ZNF407: variants seen among roughly 807,000 people sequenced by gnomAD.
The protein encoded by ZNF407 is zinc finger protein 407.
In ZNF407, 17 loss-of-function variants were observed where a neutral mutation model predicts 131.2. The observed-to-expected ratio is 0.13, with a 90% CI of 0.09 to 0.19. ZNF407 has a LOEUF of 0.19. ZNF407 is among the 10% of genes least tolerant of loss of function. The pLI is 1.00. For missense variants in ZNF407, 2,681 were observed against 2,830.6 expected (o/e 0.95, Z 1.20); for synonymous variants, 1,156 against 1,062.0 (o/e 1.09, Z -1.72).
chr18:74,656,545 A>ATAC (rs1187787302), intron 3 of ZNF407, among the ~76,000 whole-genome samples: 1 of 152,172 alleles, frequency 6.6e-6, no homozygotes, highest in African/African-American at 2.4e-5. Flanking sequence ...GAACCTGGAC[A>ATAC]TACTGATTGT....
chr18:74,902,920 C>T (rs998862823), intron 7 of ZNF407, among the ~76,000 whole-genome samples: 1 of 152,176 alleles, frequency 6.6e-6, no homozygotes. Context: ...TCCCCCTCTA[C>T]CTCTCCATGG....
At chr18:74,627,778 TTCTCTC>T (rs35067719) in intron 1 of ZNF407, among the ~76,000 whole-genome samples, 2 of 132,668 alleles carry the variant, frequency 1.5e-5, no homozygotes, top group African/African-American at 3.3e-5. Context: ...TTTTCTCTCT[TTCTCTC>T]TCTCTCTCTC....
At chr18:74,887,905 A>G (rs1408810619) in intron 6 of ZNF407, among the ~76,000 whole-genome samples, 1 of 152,188 alleles carries the variant, frequency 6.6e-6, no homozygotes, top group African/African-American at 2.4e-5. Flanking sequence ...TAAGAGAGAA[A>G]ATACCACCAA....
intron 8 of ZNF407, among the ~76,000 whole-genome samples, chr18:75,053,975 G>A (rs1252816175): frequency 6.6e-6 from 1 of 152,314 alleles, no homozygotes; most frequent in East Asian, 1.9e-4. Flanking sequence ...CCTTTCTCCT[G>A]CTTTCATTTC....
At chr18:75,041,438 C>T (rs1449977560) in intron 8 of ZNF407, among the ~76,000 whole-genome samples, 1 of 152,084 alleles carries the variant, frequency 6.6e-6, no homozygotes, top group Non-Finnish European at 1.5e-5. Flanking sequence ...TCTTACCTCT[C>T]ACACACACAC....
intron 2 of ZNF407, among the ~76,000 whole-genome samples, chr18:74,639,906 A>G (rs1307551098): frequency 6.6e-6 from 1 of 152,116 alleles, no homozygotes; most frequent in Non-Finnish European, 1.5e-5. Flanking sequence ...CACTGCACAA[A>G]GGTTCATTGA....
At chr18:74,740,022 A>T (rs1968511463) in intron 3 of ZNF407, among the ~76,000 whole-genome samples, 1 of 152,198 alleles carries the variant, frequency 6.6e-6, no homozygotes, top group Non-Finnish European at 1.5e-5. Context: ...TGGCTTCTGC[A>T]TCAAATGACC....
chr18:74,688,806 A>G (rs191196660), intron 3 of ZNF407, among the ~76,000 whole-genome samples: 1 of 152,216 alleles, frequency 6.6e-6, no homozygotes, highest in East Asian at 1.9e-4. Context: ...AACAATATCA[A>G]ATCTTTCAAT....
At chr18:74,695,244 A>T (rs1967323147) in intron 3 of ZNF407, among the ~76,000 whole-genome samples, 1 of 152,186 alleles carries the variant, frequency 6.6e-6, no homozygotes, top group South Asian at 2.1e-4. Context: ...ATGTTGCTGA[A>T]ATTAGCTGTT....
At chr18:74,954,742 T>A (rs951716786) in intron 8 of ZNF407, among the ~76,000 whole-genome samples, 3 of 152,218 alleles carry the variant, frequency 2.0e-5, no homozygotes, top group African/African-American at 7.2e-5. Flanking sequence ...GGGGTATTCC[T>A]AAACTATTGT....
intron 4 of ZNF407, among the ~76,000 whole-genome samples, chr18:74,815,340 C>G (rs1006849746): frequency 6.6e-6 from 1 of 152,108 alleles, no homozygotes; most frequent in African/African-American, 2.4e-5. Context: ...CCAACAGTGT[C>G]TTATGAAAAT....
At chr18:74,768,389 A>G (rs1469125332) in intron 3 of ZNF407, among the ~76,000 whole-genome samples, 1 of 152,238 alleles carries the variant, frequency 6.6e-6, no homozygotes, top group African/African-American at 2.4e-5. Flanking sequence ...CAATTTACAT[A>G]AAATATCAGG....
intron 3 of ZNF407, among the ~76,000 whole-genome samples, chr18:74,679,905 C>T (rs1314526045): frequency 2.6e-5 from 4 of 152,224 alleles, no homozygotes; most frequent in Non-Finnish European, 4.4e-5. Context: ...ATGCTTTCAT[C>T]TCCCTTGGGA....
chr18:74,688,217 C>T (rs1166605361), intron 3 of ZNF407, among the ~76,000 whole-genome samples: 1 of 152,120 alleles, frequency 6.6e-6, no homozygotes, highest in Non-Finnish European at 1.5e-5. Context: ...GAACAGATTC[C>T]CTAGCAGCTT....
chr18:75,013,706 G>A (rs752933834), intron 8 of ZNF407, among the ~76,000 whole-genome samples: 53 of 152,032 alleles, frequency 3.5e-4, no homozygotes, highest in Admixed American at 3.2e-3. Context: ...GCTTGTGCCC[G>A]TGTTCTCTGC....
At chr18:74,695,533 T>C (rs1967332372) in intron 3 of ZNF407, among the ~76,000 whole-genome samples, 1 of 151,538 alleles carries the variant, frequency 6.6e-6, no homozygotes, top group South Asian at 2.1e-4. Context: ...AGCCTTTTCC[T>C]GATTTAAAGA....
intron 4 of ZNF407, among the ~76,000 whole-genome samples, chr18:74,874,935 C>T (rs1599213401): frequency 6.6e-6 from 1 of 152,094 alleles, no homozygotes; most frequent in Non-Finnish European, 1.5e-5. Flanking sequence ...TCCCTCTTCT[C>T]GCAGGGTTCA....
chr18:74,623,078 CTG>C (rs202189517), intron 1 of ZNF407, among the ~76,000 whole-genome samples: 2,141 of 148,784 alleles, frequency 0.014, 17 homozygotes, highest in Non-Finnish European at 0.024. Context: ...ATGTGTGTAT[CTG>C]TATCAGTGTG....
In ZNF407 at chr18:74,635,291, T is replaced by A. The variant is rs1180791504; in HGVS notation, c.4272T>A (p.Asp1424Glu). Residue 1424 changes from aspartate (D) to glutamate (E), a missense_variant, in exon 2 of 9, where the codon GAT becomes GAA. Physicochemically the swap from Asp to Glu is conservative, Grantham distance 45. This residue lies in a region of ZNF407 where 1,789 missense variants were observed against 1,748.7 expected (regional missense o/e 1.02). Coordinates refer to ENST00000299687, the MANE Select transcript of ZNF407 (RefSeq NM_017757.3). This position sits in a 1 kb window ranked among gnomAD's most constrained non-coding sequence, Gnocchi z 4.7. ...GTGATGATTGTGGCTTCTTAGCAGA[T>A]GGACTGAGTGGACTGAATGTTCACA... ...IRCDDCGFLADGLSGLNVHIA... is the reference protein window; with the variant it reads ...IRCDDCGFLAEGLSGLNVHIA... The A allele has an allele frequency of 6.2e-7, 1 of 1,613,936 alleles. No homozygotes were observed. Among genetic ancestry groups the A allele is most frequent in the South Asian group, 1.1e-5 (1 of 91,090 alleles).
Sources: allele counts gnomAD v4.1 joint callset (sites outside exome capture counted in the v4.1 genomes callset), GRCh38; gene constraint gnomAD v4.1.1; regional missense constraint gnomAD v4.1.1; non-coding constraint Gnocchi (gnomAD v3.1); transcripts MANE v1.5; gene names NCBI Gene and HGNC (gene_info 2026-07-23, HGNC 2026-07-21).